The following ZFYVE16 variants were observed in gnomAD, a reference collection of about 807,000 sequenced individuals.
The protein encoded by ZFYVE16 is zinc finger FYVE domain-containing protein 16.
ZFYVE16 carries 89 observed loss-of-function variants against 138.1 expected under a neutral mutation model. The observed-to-expected ratio is 0.64, with a 90% CI of 0.54 to 0.77. The LOEUF (loss-of-function observed/expected upper bound fraction) is 0.77. Among genes scored for constraint, ZFYVE16 ranks in the 30% least tolerant of loss-of-function variants. The pLI is 0.00. For missense variants in ZFYVE16, 1,793 were observed against 1,786.7 expected, an observed-to-expected ratio of 1.00 and a Z score of -0.06; for synonymous variants, 596 against 618.3, an observed-to-expected ratio of 0.96 and a Z score of 0.53.
At chr5:80,475,377 G>A (rs143382350) in intron 18 of ZFYVE16, among the ~76,000 whole-genome samples, 1 of 152,344 alleles carries the variant, frequency 6.6e-6, no homozygotes, top group African/African-American at 2.4e-5. Flanking sequence ...GTAACTGGTG[G>A]ACTCTGGAGA....
At chr5:80,443,031 C>A in intron 5 of ZFYVE16, 92 bp from the exon 6 acceptor site, 2 of 1,259,958 alleles carry the variant, frequency 1.6e-6, no homozygotes, top group Non-Finnish European at 2.1e-6. Context: ...TTTCTCCTTA[C>A]AACTTGAAAA....
intron 1 of ZFYVE16, among the ~76,000 whole-genome samples, chr5:80,420,448 T>TC (rs1187093865): frequency 6.6e-6 from 1 of 152,030 alleles, no homozygotes. Context: ...CTCCCACATC[T>TC]CCCCACACCA....
At chr5:80,469,195 A>G (rs1346081829) in intron 15 of ZFYVE16, among the ~76,000 whole-genome samples, 1 of 149,738 alleles carries the variant, frequency 6.7e-6, no homozygotes, top group Non-Finnish European at 1.5e-5. Context: ...CTCAACCTCC[A>G]AGGCTCAGGC....
intron 1 of ZFYVE16, among the ~76,000 whole-genome samples, chr5:80,422,908 T>A (rs1747443678): frequency 6.6e-6 from 1 of 152,198 alleles, no homozygotes; most frequent in Non-Finnish European, 1.5e-5. Flanking sequence ...TTTCAATACA[T>A]TGTTGGATTC....
chr5:80,434,190 C>T lies in ZFYVE16; in HGVS notation c.43C>T (p.Leu15Phe), dbSNP rs1404498494. 6.2e-7 allele frequency: 1 copy of T among 1,613,296 alleles called. No homozygotes were observed. The highest frequency in any genetic ancestry group is 8.5e-7 in the Non-Finnish European group (1 of 1,179,602). The change falls in exon 3 of 19, where the codon CTC (leucine) becomes TTC (phenylalanine). Residue 15 changes from leucine to phenylalanine, a missense_variant. Leu to Phe is a conservative substitution (Grantham distance 22). Transcript: ENST00000505560. ...FKAAVSDLDKLLDDFEQNPDE... is the reference protein window; with the variant it reads ...FKAAVSDLDKFLDDFEQNPDE... ...AGCAGCTGTCAGTGACTTGGACAAA[C>T]TCCTTGATGATTTTGAACAGAACCC...
chr5:80,483,320 A>G lies in ZFYVE16; in HGVS notation c.*5943A>G, dbSNP rs903010346. Among the ~76,000 whole-genome samples the G allele has an allele frequency of 6.6e-6, 1 of 152,242 alleles. No homozygotes were observed. ...AATGGCAAATCTCTGGATAAACCAA[A>G]TAGACTTACATGTTTGTTAAAATAT... On this transcript the variant is annotated 3_prime_UTR_variant, in exon 19 of 19. Coordinates refer to ENST00000505560, the MANE Select transcript of ZFYVE16 (RefSeq NM_001284236.3).
intron 1 of ZFYVE16, among the ~76,000 whole-genome samples, chr5:80,414,936 T>G (rs1469735035): frequency 1.3e-5 from 2 of 152,194 alleles, no homozygotes; most frequent in African/African-American, 4.8e-5. Context: ...ACAATGATGT[T>G]GGTTGGTAAG....
rs1755201772 is a variant in ZFYVE16 at position 80,479,919 on chromosome 5, G to A, written c.*2542G>A. On this transcript the variant is annotated 3_prime_UTR_variant, in exon 19 of 19. Coordinates refer to ENST00000505560, the MANE Select transcript of ZFYVE16 (RefSeq NM_001284236.3). ...TGGAAGAACCAATGTAAAAGAACAG[G>A]CAAGTTTAGAATTGCCCCAGTGATC... Among the ~76,000 whole-genome samples, 1 of 152,142 alleles carries A rather than the reference G, an allele frequency of 6.6e-6. No individual in the cohort carries two copies. Among genetic ancestry groups the A allele is most frequent in the African/African-American group, 2.4e-5 (1 of 41,432 alleles).
At chr5:80,416,436 A>G (rs1746261075) in intron 1 of ZFYVE16, among the ~76,000 whole-genome samples, 1 of 151,310 alleles carries the variant, frequency 6.6e-6, no homozygotes. Context: ...TTGTGTTTTT[A>G]GTAGAGATGG....
At chr5:80,471,673 C>A (rs1457172070) in intron 15 of ZFYVE16, among the ~76,000 whole-genome samples, 2 of 152,188 alleles carry the variant, frequency 1.3e-5, no homozygotes, top group Non-Finnish European at 2.9e-5. Context: ...TGCCTAGGAA[C>A]AAAGAGAGCG....
chr5:80,456,942 C>T lies in ZFYVE16; in HGVS notation c.3796-3C>T. The T allele has an allele frequency of 2.5e-6, 4 of 1,575,998 alleles. No individual in the cohort carries two copies. Among genetic ancestry groups the T allele is most frequent in the Non-Finnish European group, 3.4e-6 (4 of 1,168,394 alleles). On this transcript the variant is annotated splice_region_variant and splice_polypyrimidine_tract_variant and intron_variant, in intron 13 of 18. Coordinates refer to ENST00000505560, the MANE Select transcript of ZFYVE16 (RefSeq NM_001284236.3). ...AAATGTTGTTGTTTTTGTTTTTTTC[C>T]AGGTAATGAAAGTACTAAATTCTTC...
In ZFYVE16 at chr5:80,410,759, A is replaced by G. The variant is rs1387240700; in HGVS notation, c.-94+2606A>G. 4.0e-5 allele frequency among the ~76,000 whole-genome samples: 6 copies of G among 151,222 alleles called. No homozygotes were observed. In the East Asian group the frequency reaches 1.2e-3, roughly 30 times the overall value. The stretch of plus-strand genomic sequence containing the variant: ...CTAATTTTTGTAGTTTAGTAGAGAC[A>G]GGGTTTCACCATGTTGGCCAGGATG... On this transcript the variant is annotated intron_variant, in intron 1 of 18. Transcript: ENST00000505560.
At chr5:80,465,686 G>A (rs1262066215) in intron 15 of ZFYVE16, among the ~76,000 whole-genome samples, 1 of 151,758 alleles carries the variant, frequency 6.6e-6, no homozygotes, top group African/African-American at 2.4e-5. Flanking sequence ...TTTAATTATA[G>A]GCATGAGCCA....
At chr5:80,426,276 A>G (rs76970887) in intron 1 of ZFYVE16, among the ~76,000 whole-genome samples, 3,189 of 23,236 alleles carry the variant, frequency 0.14, 92 homozygotes, top group African/African-American at 0.19. Context: ...GTGTGTGTAT[A>G]TATATATATA....
intron 1 of ZFYVE16, among the ~76,000 whole-genome samples, chr5:80,420,912 A>T (rs530462189): frequency 4.6e-5 from 7 of 152,340 alleles, no homozygotes; most frequent in Non-Finnish European, 8.8e-5. Context: ...AGTCCCACCA[A>T]CAGTGTAAAA....
intron 14 of ZFYVE16, among the ~76,000 whole-genome samples, chr5:80,457,752 G>T (rs1199845729): frequency 6.6e-6 from 1 of 152,016 alleles, no homozygotes; most frequent in Middle Eastern, 3.2e-3. Flanking sequence ...AAGAGGCCAG[G>T]CACAGTGGCT....
At chr5:80,413,357 G>C (rs976481078) in intron 1 of ZFYVE16, among the ~76,000 whole-genome samples, 1 of 151,590 alleles carries the variant, frequency 6.6e-6, no homozygotes, top group Non-Finnish European at 1.5e-5. Flanking sequence ...TGTAATCCCA[G>C]CTACTTGGGA....
chr5:80,435,537 T>A (rs915309118), intron 3 of ZFYVE16, among the ~76,000 whole-genome samples: 2 of 152,324 alleles, frequency 1.3e-5, no homozygotes, highest in Admixed American at 1.3e-4. Flanking sequence ...GTTTTTTAGT[T>A]CTTCCTTAGT....
At chr5:80,447,583 A>C (rs1239278489) in intron 7 of ZFYVE16, among the ~76,000 whole-genome samples, 1 of 152,146 alleles carries the variant, frequency 6.6e-6, no homozygotes, top group Non-Finnish European at 1.5e-5. Flanking sequence ...ACTCTTGTGG[A>C]ATATAGCTAA....
Sources: gnomAD v4.1 joint callset for allele counts (sites outside exome capture counted in the v4.1 genomes callset) on GRCh38, gnomAD v4.1.1 for gene constraint, MANE v1.5 for transcripts, NCBI Gene and HGNC (gene_info 2026-07-23, HGNC 2026-07-21) for gene names.